The following TOP2B variants were observed in gnomAD, a reference collection of about 807,000 sequenced individuals.
TOP2B encodes the protein DNA topoisomerase II beta, also known as DNA topoisomerase 2-beta.
Under a neutral mutation model 193.5 loss-of-function variants are expected in TOP2B, and 51 were observed. The observed-to-expected ratio is 0.26, with a 90% CI of 0.21 to 0.33. The LOEUF (loss-of-function observed/expected upper bound fraction) is 0.33, where lower values mean the gene tolerates loss of function less well. Ranked by LOEUF, TOP2B falls within the 10% of genes least tolerant of loss-of-function variation. TOP2B has a pLI of 1.00. For missense variants in TOP2B, 1,378 were observed against 1,909.3 expected, an observed-to-expected ratio of 0.72 and a Z score of 5.19; for synonymous variants, 634 against 635.7, an observed-to-expected ratio of 1.00 and a Z score of 0.04.
At chr3:25,617,126 A>G (rs116710924) in intron 25 of TOP2B, among the ~76,000 whole-genome samples, 2,724 of 152,224 alleles carry the variant, frequency 0.018, 38 homozygotes, top group Middle Eastern at 0.044. Context: ...CTTTACCCAT[A>G]AATTCTACTT....
chr3:25,632,963 C>G (rs771592461), intron 8 of TOP2B, among the ~76,000 whole-genome samples, 169 bp from the exon 9 acceptor site: 6 of 152,024 alleles, frequency 3.9e-5, no homozygotes, highest in Non-Finnish European at 7.4e-5. Context: ...AAACCAACCG[C>G]TGTGTTTTTT....
At chr3:25,627,651 A>C (rs1367974245) in intron 15 of TOP2B, among the ~76,000 whole-genome samples, 1 of 152,250 alleles carries the variant, frequency 6.6e-6, no homozygotes, top group Non-Finnish European at 1.5e-5. Context: ...CACAGAACAA[A>C]CAACCCAACT....
In TOP2B at chr3:25,630,356, G is replaced by C; in HGVS notation, c.1519C>G (p.Leu507Val). Residue 507 changes from leucine to valine, a missense_variant, in exon 12 of 36, where the codon CTC (leucine) becomes GTC (valine). This residue lies in a region of TOP2B where 66 missense variants were observed against 153.3 expected (regional missense o/e 0.43). Transcript: ENST00000264331. Reference protein sequence around the residue: ...IGRDRYGVFPLRGKILNVREA... With the variant: ...IGRDRYGVFPVRGKILNVREA... ...CGTACATTAAGAATTTTGCCCCTGA[G>C]TGGAAAAACTCCGTATCTGTCTCGT... 6.4e-7 allele frequency: 1 copy of C among 1,551,604 alleles called. No homozygotes were observed. Among genetic ancestry groups the C allele is most frequent in the Non-Finnish European group, 8.7e-7 (1 of 1,146,828 alleles).
chr3:25,619,971 G>A lies in TOP2B; in HGVS notation c.2954C>T (p.Thr985Ile). The A allele has an allele frequency of 6.2e-7, 1 of 1,610,994 alleles. No individual in the cohort carries two copies. The highest frequency in any genetic ancestry group is 1.1e-5 in the South Asian group (1 of 90,894). The change falls in exon 23 of 36, where the codon ACA (threonine) becomes ATA (isoleucine). Residue 985 changes from threonine to isoleucine, a missense_variant. Thr to Ile is a moderately conservative substitution (Grantham distance 89). Transcript: ENST00000264331. ...ISDYKEYHTD[T>I]TVKFVVKMTE... ...CATTTTCACCACAAATTTCACAGTT[G>A]TGTCAGTATGATATTCTTTATAATC...
chr3:25,606,023 A>G lies in TOP2B; in HGVS notation c.4378+20T>C. ...AAAAGCAATAATACAATAACCAATGAAAAGACTAAATGAACATACCATCTT... is the reference window on the plus strand; with the variant it reads ...AAAAGCAATAATACAATAACCAATGGAAAGACTAAATGAACATACCATCTT... On this transcript the variant is annotated intron_variant, in intron 32 of 35. Coordinates refer to ENST00000264331, the MANE Select transcript of TOP2B (RefSeq NM_001330700.2). 7.3e-7 allele frequency: 1 copy of G among 1,371,928 alleles called. No individual in the cohort carries two copies. The highest frequency in any genetic ancestry group is 9.8e-7 in the Non-Finnish European group (1 of 1,019,992). The allele number at this position is 1,371,928 out of a possible 1,614,324, so 85.0% of individuals were successfully genotyped here.
At chr3:25,639,700 G>A (rs1319293111) in intron 4 of TOP2B, among the ~76,000 whole-genome samples, 2 of 152,214 alleles carry the variant, frequency 1.3e-5, no homozygotes, top group African/African-American at 4.8e-5. Context: ...TCCCTTGTAA[G>A]AAGTTGCTCT....
At chr3:25,599,651 T>C in intron 34 of TOP2B, 122 bp from the exon 35 acceptor site, 1 of 858,448 alleles carries the variant, frequency 1.2e-6, no homozygotes, top group African/African-American at 1.7e-5. Context: ...AGTCCTGATC[T>C]CTTACTATGA....
chr3:25,646,448 T>C (rs1323697002), intron 1 of TOP2B, among the ~76,000 whole-genome samples: 1 of 152,170 alleles, frequency 6.6e-6, no homozygotes, highest in Non-Finnish European at 1.5e-5. Flanking sequence ...CAGATGAGGA[T>C]GTCAAATCAA....
chr3:25,608,587 A>C (rs565786904), intron 30 of TOP2B, among the ~76,000 whole-genome samples: 56 of 152,206 alleles, frequency 3.7e-4, no homozygotes, highest in Non-Finnish European at 6.6e-4. Context: ...TCATTTTAAT[A>C]AATTAGGACA....
chr3:25,655,183 T>G (rs528403565), intron 1 of TOP2B, among the ~76,000 whole-genome samples: 1 of 152,148 alleles, frequency 6.6e-6, no homozygotes, highest in Non-Finnish European at 1.5e-5. Flanking sequence ...ATAAGGAGCT[T>G]CTATAACTCG....
At chr3:25,660,039 T>C (rs1393935786) in intron 1 of TOP2B, among the ~76,000 whole-genome samples, 1 of 152,220 alleles carries the variant, frequency 6.6e-6, no homozygotes, top group Non-Finnish European at 1.5e-5. Flanking sequence ...TTTTAAAGTG[T>C]ACTCAGTAAA....
At chr3:25,659,700 A>T (rs1703853538) in intron 1 of TOP2B, among the ~76,000 whole-genome samples, 1 of 152,248 alleles carries the variant, frequency 6.6e-6, no homozygotes, top group African/African-American at 2.4e-5. Flanking sequence ...TGAAAAGGAA[A>T]TATACTCCTT....
chr3:25,647,234 G>A (rs1703436804), intron 1 of TOP2B, among the ~76,000 whole-genome samples: 1 of 152,146 alleles, frequency 6.6e-6, no homozygotes, highest in Admixed American at 6.5e-5. Flanking sequence ...TTAAGGGCCA[G>A]GCGCAGTGAC....
chr3:25,605,905 G>C, intron 32 of TOP2B, 138 bp downstream of exon 32: 1 of 469,424 alleles, frequency 2.1e-6, no homozygotes, highest in South Asian at 5.1e-5. Context: ...TTATTATCTT[G>C]AGCAAAATAT....
At position 25,618,518 on chromosome 3, in the gene TOP2B, G is replaced by A. The variant is rs1288792170; in HGVS notation, c.3260-9C>T. 14 of 1,601,218 alleles carry A rather than the reference G, an allele frequency of 8.7e-6. No homozygotes were observed. Among genetic ancestry groups the A allele is most frequent in the Non-Finnish European group, 1.1e-5 (13 of 1,171,380 alleles). On this transcript the variant is annotated splice_polypyrimidine_tract_variant and intron_variant, in intron 24 of 35. Coordinates refer to ENST00000264331, the MANE Select transcript of TOP2B (RefSeq NM_001330700.2). ...TTTCTTTGACCTATTCTCTATGTGA[G>A]GGAAAAATAAAGTTAGGATCAAGAT...
intron 1 of TOP2B, among the ~76,000 whole-genome samples, chr3:25,650,729 C>A (rs2067749542): frequency 6.6e-6 from 1 of 152,202 alleles, no homozygotes; most frequent in South Asian, 2.1e-4. Context: ...CTTTTCCTGA[C>A]AAATTGATGT....
intron 27 of TOP2B, among the ~76,000 whole-genome samples, chr3:25,613,037 A>G (rs1405403527): frequency 3.3e-5 from 5 of 152,180 alleles, no homozygotes; most frequent in African/African-American, 7.2e-5. Context: ...TATCATCAAA[A>G]TCCTAGCAAA....
intron 20 of TOP2B, 116 bp downstream of exon 20, chr3:25,624,181 T>G: frequency 7.9e-7 from 1 of 1,263,110 alleles, no homozygotes; most frequent in South Asian, 1.5e-5. Context: ...ACATTCACCT[T>G]CTAAGTAGAA....
At chr3:25,649,993 A>G (rs1703536417) in intron 1 of TOP2B, among the ~76,000 whole-genome samples, 1 of 152,232 alleles carries the variant, frequency 6.6e-6, no homozygotes, top group Non-Finnish European at 1.5e-5. Context: ...TTGGGAATTT[A>G]ACCATGCCAA....
Sources: gnomAD v4.1 joint callset for allele counts (sites outside exome capture counted in the v4.1 genomes callset) on GRCh38, gnomAD v4.1.1 for gene constraint, gnomAD v4.1.1 regional missense constraint, MANE v1.5 for transcripts, NCBI Gene and HGNC (gene_info 2026-07-23, HGNC 2026-07-21) for gene names.